Variants in SLC6A7 observed in about 807,000 individuals in gnomAD.
The protein encoded by SLC6A7 is solute carrier family 6 member 7.
In SLC6A7, 58 loss-of-function variants were observed where a neutral mutation model predicts 73.1. The ratio of observed to expected loss-of-function variants is 0.79; its 90% CI spans 0.64 to 0.99. The LOEUF (loss-of-function observed/expected upper bound fraction) is 0.99, where lower values mean the gene tolerates loss of function less well. SLC6A7 is among the 50% of genes least tolerant of loss of function. The pLI, the probability that SLC6A7 is intolerant of heterozygous loss-of-function variation, is 0.00. For synonymous variants in SLC6A7, 338 were observed against 338.7 expected (o/e 1.00, Z 0.02); for missense variants, 783 against 831.4 (o/e 0.94, Z 0.72).
rs1318301089 is a variant in SLC6A7, at chr5:150,204,540, G to A, written c.1341G>A (p.Met447Ile). The change falls in exon 11 of 14, where the codon ATG becomes ATA. Residue 447 changes from methionine to isoleucine, a missense_variant. Coordinates refer to ENST00000230671, the MANE Select transcript of SLC6A7 (RefSeq NM_014228.5). The stretch of plus-strand genomic sequence containing the variant: ...CTGTGCTTGTGTTTTAGGGGGGCAT[G>A]TACTGGCTGGTCCTTCTGGATGACT... The part of the protein sequence containing the change: ...MGLILTTDGG[M>I]YWLVLLDDYS... The A allele has an allele frequency of 5.6e-6, 9 of 1,613,512 alleles. No homozygotes were observed. The highest frequency in any genetic ancestry group is 1.7e-5 in the Admixed American group (1 of 60,030).
chr5:150,196,556 G>A (rs1011897320), intron 2 of SLC6A7, among the ~76,000 whole-genome samples, 160 bp from the exon 3 acceptor site: 1 of 152,140 alleles, frequency 6.6e-6, no homozygotes. Context: ...ATCCCTGCTG[G>A]CCACTCTGGC....
chr5:150,200,384 T>G (rs1282949205), intron 5 of SLC6A7, among the ~76,000 whole-genome samples: 2 of 152,026 alleles, frequency 1.3e-5, no homozygotes, highest in Admixed American at 6.6e-5. Flanking sequence ...TCCCAGCTAC[T>G]CGGGAGGCTG....
chr5:150,199,422 G>A, intron 5 of SLC6A7, 56 bp downstream of exon 5: 7 of 1,297,892 alleles, frequency 5.4e-6, no homozygotes, highest in Non-Finnish European at 6.6e-6. Context: ...AAGGCTTCCT[G>A]GAGAAGGCAG....
Position 150,199,482 on chromosome 5 carries a change from G to A in SLC6A7, c.723+116G>A, listed in dbSNP as rs1753258695. 12 of 712,272 alleles carry A rather than the reference G, an allele frequency of 1.7e-5. No individual in the cohort carries two copies. The South Asian group carries it at 2.2e-4, about 13-fold the overall frequency. 44.1% of individuals were successfully genotyped at this position (712,272 alleles called of 1,614,324 possible). ...GAAGAGACTTCAGCTGGGCAGAGGGGAAGGGAGAGAGCCTTGAGACTGGGG... is the reference window on the plus strand; with the variant it reads ...GAAGAGACTTCAGCTGGGCAGAGGGAAAGGGAGAGAGCCTTGAGACTGGGG... On this transcript the variant is annotated intron_variant, in intron 5 of 13. Coordinates refer to ENST00000230671, the MANE Select transcript of SLC6A7 (RefSeq NM_014228.5).
rs1554116762 is a variant in SLC6A7, at chr5:150,203,820, G to GGTGTGTGGGTGT, written c.1200+48_1200+49insGGTGTGTGTGTG. On this transcript the variant is annotated intron_variant, in intron 9 of 13. Transcript: ENST00000230671. ...GGCAGCAGGCACCCCGTGTGTGTGT[G>GGTGTGTGGGTGT]GTGTGTGTGTGTGTGTGTGTGTGTG... 116 of 802,602 alleles carry GGTGTGTGGGTGT rather than the reference G, an allele frequency of 1.4e-4. No individual in the cohort carries two copies. The African/African-American group carries it at 2.1e-3, about 14-fold the overall frequency. 49.7% of individuals were successfully genotyped at this position (802,602 alleles called of 1,614,324 possible).
At chr5:150,202,234 C>A (rs1753419621) in intron 6 of SLC6A7, 113 bp from the exon 7 acceptor site, 2 of 750,788 alleles carry the variant, frequency 2.7e-6, no homozygotes, top group African/African-American at 3.4e-5. Context: ...CATGACCACG[C>A]CATCCCTCGT....
chr5:150,198,113 A>G (rs868486097), intron 4 of SLC6A7, among the ~76,000 whole-genome samples: 154 of 56,388 alleles, frequency 2.7e-3, no homozygotes, highest in South Asian at 4.5e-3. Context: ...GAAAGAAAGA[A>G]AGAGAAAGAA....
At chr5:150,203,537 T>C in intron 8 of SLC6A7, 130 bp from the exon 9 acceptor site, 1 of 610,850 alleles carries the variant, frequency 1.6e-6, no homozygotes, top group Non-Finnish European at 3.0e-6. Flanking sequence ...GAGGGTGCAT[T>C]TAAGTGGGCA....
chr5:150,199,504 G>A (rs73279849), intron 5 of SLC6A7, 138 bp downstream of exon 5: 6,843 of 611,026 alleles, frequency 0.011, 322 homozygotes, highest in African/African-American at 0.11. Flanking sequence ...CCTTGAGACT[G>A]GGGGATGAGG....
At chr5:150,200,386 G>A (rs780216846) in intron 5 of SLC6A7, among the ~76,000 whole-genome samples, 5 of 152,120 alleles carry the variant, frequency 3.3e-5, no homozygotes, top group South Asian at 2.1e-4. Flanking sequence ...CCAGCTACTC[G>A]GGAGGCTGAG....
In SLC6A7 at chr5:150,209,630, G is replaced by C. The variant is rs760265192; in HGVS notation, c.*15G>C. The C allele has an allele frequency of 1.3e-6, 2 of 1,571,254 alleles. No individual in the cohort carries two copies. Among genetic ancestry groups the C allele is most frequent in the Non-Finnish European group, 8.7e-7 (1 of 1,155,072 alleles). ...CGATGATGTGAGGCAGGAGGCAGGC[G>C]GGCAGAAGGCCCTGCCCGGGACCTC... On this transcript the variant is annotated 3_prime_UTR_variant, in exon 14 of 14. Coordinates refer to ENST00000230671, the MANE Select transcript of SLC6A7 (RefSeq NM_014228.5).
In SLC6A7 at chr5:150,209,556, G is replaced by C; in HGVS notation, c.1852G>C (p.Glu618Gln). ...MRKYGGITSF[E>Q]NTAIEVDREI... Reference sequence around the variant, plus strand: ...CAAGTACGGGGGCATCACCAGCTTCGAGAACACGGCCATCGAGGTGGACCG... The same window carrying C: ...CAAGTACGGGGGCATCACCAGCTTCCAGAACACGGCCATCGAGGTGGACCG... The change falls in exon 14 of 14, where the codon GAG becomes CAG. Residue 618 changes from glutamate (E) to glutamine (Q), a missense_variant. Physicochemically the swap from Glu to Gln is conservative, Grantham distance 29. Coordinates refer to ENST00000230671, the MANE Select transcript of SLC6A7 (RefSeq NM_014228.5). 3 of 1,614,040 alleles carry C rather than the reference G, an allele frequency of 1.9e-6. No homozygotes were observed. Among genetic ancestry groups the C allele is most frequent in the Non-Finnish European group, 2.5e-6 (3 of 1,179,948 alleles).
At chr5:150,192,746 G>A (rs1449976989) in intron 1 of SLC6A7, among the ~76,000 whole-genome samples, 1 of 152,174 alleles carries the variant, frequency 6.6e-6, no homozygotes, top group East Asian at 1.9e-4. Flanking sequence ...AGAGAACCGG[G>A]ACCGCTCCAT....
At chr5:150,203,536 T>C (rs982188578) in intron 8 of SLC6A7, 131 bp from the exon 9 acceptor site, 1 of 606,414 alleles carries the variant, frequency 1.6e-6, no homozygotes, top group Non-Finnish European at 3.0e-6. Flanking sequence ...AGAGGGTGCA[T>C]TTAAGTGGGC....
chr5:150,198,867 G>A (rs1226216497), intron 4 of SLC6A7, among the ~76,000 whole-genome samples: 3 of 131,184 alleles, frequency 2.3e-5, no homozygotes, highest in East Asian at 2.2e-4. Flanking sequence ...TGTGTGTGGT[G>A]TACACATGTA....
At position 150,196,770 on chromosome 5, in the gene SLC6A7, T is replaced by C. The variant is rs1311416536; in HGVS notation, c.272T>C (p.Phe91Ser). ...CTGGCCATCTGTGGCATCCCCCTCTTCTTCCTGGAGCTCTCCCTGGGCCAG... is the reference window on the plus strand; with the variant it reads ...CTGGCCATCTGTGGCATCCCCCTCTCCTTCCTGGAGCTCTCCCTGGGCCAG... Reference protein sequence around the residue: ...LMLAICGIPLFFLELSLGQFS... With the variant: ...LMLAICGIPLSFLELSLGQFS... The change falls in exon 3 of 14, where the codon TTC (phenylalanine) becomes TCC (serine). Residue 91 changes from phenylalanine (F) to serine (S), a missense_variant. By Grantham distance (155) the Phe-to-Ser change is radical. Transcript: ENST00000230671. The C allele has an allele frequency of 5.6e-6, 9 of 1,613,972 alleles. No homozygotes were observed. Among genetic ancestry groups the C allele is most frequent in the Non-Finnish European group, 7.6e-6 (9 of 1,179,984 alleles).
chr5:150,203,135 G>T (rs888141719), intron 8 of SLC6A7, among the ~76,000 whole-genome samples: 1 of 151,904 alleles, frequency 6.6e-6, no homozygotes, highest in African/African-American at 2.4e-5. Context: ...ACACATGTAC[G>T]TGCAAAGGAA....
Position 150,201,169 on chromosome 5 carries a change from G to C in SLC6A7, c.804G>C (p.Trp268Cys). 2 of 1,613,852 alleles carry C rather than the reference G, an allele frequency of 1.2e-6. No homozygotes were observed. Among genetic ancestry groups the C allele is most frequent in the Non-Finnish European group, 1.7e-6 (2 of 1,179,862 alleles). ...GCGGAGTCACCCTCCCAGGGGCCTG[G>C]AAGGGCATCCAGTTCTATCTCACCC... ...LVRGVTLPGAWKGIQFYLTPQ... is the reference protein window; with the variant it reads ...LVRGVTLPGACKGIQFYLTPQ... The change falls in exon 6 of 14, where the codon TGG becomes TGC. Residue 268 changes from tryptophan (W) to cysteine (C), a missense_variant. Coordinates refer to ENST00000230671, the MANE Select transcript of SLC6A7 (RefSeq NM_014228.5).
At chr5:150,193,511 C>T (rs759440661) in intron 1 of SLC6A7, among the ~76,000 whole-genome samples, 11 of 152,120 alleles carry the variant, frequency 7.2e-5, no homozygotes, top group South Asian at 2.1e-4. Context: ...TGTCAGCATG[C>T]GGGGAGGGGG....
Sources: gnomAD v4.1 joint callset for allele counts (sites outside exome capture counted in the v4.1 genomes callset) on GRCh38, gnomAD v4.1.1 for gene constraint, MANE v1.5 for transcripts, NCBI Gene and HGNC (gene_info 2026-07-23, HGNC 2026-07-21) for gene names.